The following SORL1 variants were observed in gnomAD, a reference collection of about 807,000 sequenced individuals.
SORL1 encodes the protein sortilin-related receptor.
Under a neutral mutation model 273.7 loss-of-function variants are expected in SORL1, and 127 were observed. The ratio of observed to expected loss-of-function variants is 0.46; its 90% CI spans 0.40 to 0.54. SORL1 has a LOEUF of 0.54. Among genes scored for constraint, SORL1 ranks in the 20% least tolerant of loss-of-function variants. The probability of loss-of-function intolerance (pLI) is 0.00; values close to 1 mark genes in which losing one functional copy is unlikely to be tolerated. For missense variants in SORL1, 2,494 were observed against 2,846.1 expected (o/e 0.88, Z 2.81); for synonymous variants, 1,031 against 1,067.4 (o/e 0.97, Z 0.66).
chr11:121,589,976 A>G, intron 29 of SORL1, 64 bp from the exon 30 acceptor site: 1 of 1,577,992 alleles, frequency 6.3e-7, no homozygotes, highest in Non-Finnish European at 8.6e-7. Context: ...GGATGCCTAG[A>G]GTTGGAGCCC....
intron 5 of SORL1, among the ~76,000 whole-genome samples, chr11:121,494,703 G>A (rs1397103870): frequency 6.6e-6 from 1 of 152,202 alleles, no homozygotes; most frequent in Non-Finnish European, 1.5e-5. Context: ...ATGGATTACG[G>A]AAGAAAATTG....
At chr11:121,536,366 C>T (rs988540445) in intron 12 of SORL1, among the ~76,000 whole-genome samples, 1 of 151,838 alleles carries the variant, frequency 6.6e-6, no homozygotes, top group Non-Finnish European at 1.5e-5. Context: ...CCTACTTTAT[C>T]CTAACCCCTG....
intron 38 of SORL1, 148 bp from the exon 39 acceptor site, chr11:121,610,928 A>G (rs1565353870): frequency 1.3e-5 from 8 of 594,800 alleles, no homozygotes; most frequent in Non-Finnish European, 2.4e-5. Context: ...CAGTGGTAAA[A>G]AAAGATCGAT....
Position 121,524,228 on chromosome 11 carries a change from G to A in SORL1, c.1596+1239G>A, listed in dbSNP as rs1232314128. Among the ~76,000 whole-genome samples the A allele has an allele frequency of 2.6e-5, 4 of 152,222 alleles. No individual in the cohort carries two copies. In the South Asian group the frequency reaches 6.2e-4, roughly 24 times the overall value. On this transcript the variant is annotated intron_variant, in intron 11 of 47. Transcript: ENST00000260197. ...GAGCTGGACGCTCCCTTTGAAATGG[G>A]GTATCCTCTTCTCTGCGAATAGGCC...
At chr11:121,599,726 A>G (rs76797208) in intron 32 of SORL1, among the ~76,000 whole-genome samples, 4,170 of 150,350 alleles carry the variant, frequency 0.028, 156 homozygotes, top group East Asian at 0.21. Flanking sequence ...GGATTTGCTG[A>G]TGGAGTTTGT....
At chr11:121,574,406 G>T (rs1225395061) in intron 24 of SORL1, 43 bp downstream of exon 24, 7 of 1,598,608 alleles carry the variant, frequency 4.4e-6, no homozygotes, top group South Asian at 2.2e-5. Context: ...TGGAGAGGGG[G>T]GTCATTGTGC....
intron 21 of SORL1, 69 bp downstream of exon 21, chr11:121,559,726 T>G (rs1258375142): frequency 6.7e-7 from 1 of 1,492,462 alleles, no homozygotes; most frequent in Non-Finnish European, 9.2e-7. Flanking sequence ...GTGGCCAATC[T>G]CTGCTCAGAG....
At chr11:121,559,429 T>C in intron 20 of SORL1, 90 bp from the exon 21 acceptor site, 1 of 1,343,852 alleles carries the variant, frequency 7.4e-7, no homozygotes, top group South Asian at 1.4e-5. Flanking sequence ...AAATGTTAGT[T>C]GTCTCCTGCC....
chr11:121,555,143 G>A (rs771370450), intron 17 of SORL1, 44 bp from the exon 18 acceptor site: 34 of 1,577,356 alleles, frequency 2.2e-5, no homozygotes, highest in Admixed American at 7.1e-5. Context: ...GCAGGGGGTC[G>A]TTTGAACAGT....
rs1478961301 is a variant in SORL1, at chr11:121,625,329, G to A, written c.6364+52G>A. On this transcript the variant is annotated intron_variant, in intron 46 of 47. Coordinates refer to ENST00000260197, the MANE Select transcript of SORL1 (RefSeq NM_003105.6). ...GTCTTCAGTTCTAGGGAAATAGCAA[G>A]AATGTCATATGGTTTCATGACCATG... is the stretch of plus-strand genomic sequence containing the variant. 2.1e-6 allele frequency: 3 copies of A among 1,400,450 alleles called. No homozygotes were observed. The Admixed American group carries it at 5.8e-5, about 27-fold the overall frequency. 86.8% of individuals were successfully genotyped at this position (1,400,450 alleles called of 1,614,324 possible).
At chr11:121,484,659 T>A (rs1340196287) in intron 3 of SORL1, among the ~76,000 whole-genome samples, 1 of 152,134 alleles carries the variant, frequency 6.6e-6, no homozygotes, top group Non-Finnish European at 1.5e-5. Context: ...GTAAAATATC[T>A]TGGCCCATCA....
intron 5 of SORL1, among the ~76,000 whole-genome samples, chr11:121,496,497 C>T (rs1861631101): frequency 6.6e-6 from 1 of 152,178 alleles, no homozygotes; most frequent in Admixed American, 6.5e-5. Context: ...GGAAAACTCT[C>T]CTTCATTCCT....
chr11:121,533,732 GT>G (rs144445867), intron 12 of SORL1, among the ~76,000 whole-genome samples: 7 of 151,420 alleles, frequency 4.6e-5, no homozygotes, highest in East Asian at 3.9e-4. Flanking sequence ...CTTAGCAGCT[GT>G]TTTTTTTTCC....
At chr11:121,600,813 TC>T (rs1169883482) in intron 32 of SORL1, among the ~76,000 whole-genome samples, 1 of 152,254 alleles carries the variant, frequency 6.6e-6, no homozygotes, top group Admixed American at 6.5e-5. Context: ...CTGTTAATCA[TC>T]GGTTAATTAT....
chr11:121,612,341 C>A, intron 39 of SORL1: 1 of 162,482 alleles, frequency 6.2e-6, no homozygotes, highest in Non-Finnish European at 1.3e-5. Flanking sequence ...ACAATGAGAT[C>A]TAACCAGCCT....
At chr11:121,552,244 G>A (rs543534597) in intron 16 of SORL1, among the ~76,000 whole-genome samples, 48 of 152,324 alleles carry the variant, frequency 3.2e-4, no homozygotes, top group Admixed American at 9.1e-4. Flanking sequence ...GGTAATCTGG[G>A]CATCTGGAAG....
At chr11:121,465,739 G>C (rs1475171327) in intron 1 of SORL1, among the ~76,000 whole-genome samples, 1 of 152,206 alleles carries the variant, frequency 6.6e-6, no homozygotes, top group East Asian at 1.9e-4. Context: ...GTGTTAGCCA[G>C]GTTGGTCTCC....
At chr11:121,478,820 G>A (rs575435881) in intron 3 of SORL1, among the ~76,000 whole-genome samples, 1 of 151,580 alleles carries the variant, frequency 6.6e-6, no homozygotes, top group East Asian at 1.9e-4. Context: ...GCTTGTGTGC[G>A]TGTAGTTACT....
chr11:121,607,829 C>G (rs1428123213), intron 37 of SORL1, among the ~76,000 whole-genome samples: 1 of 152,202 alleles, frequency 6.6e-6, no homozygotes, highest in Non-Finnish European at 1.5e-5. Context: ...CCCCCCCATA[C>G]ACCTGCCCTT....
Sources: gnomAD v4.1 joint callset for allele counts (sites outside exome capture counted in the v4.1 genomes callset) on GRCh38, gnomAD v4.1.1 for gene constraint, MANE v1.5 for transcripts, NCBI Gene and HGNC (gene_info 2026-07-23, HGNC 2026-07-21) for gene names.